The following RBFOX1 variants were observed in gnomAD, a reference collection of about 807,000 sequenced individuals.
RBFOX1 encodes the protein RNA binding fox-1 homolog 1.
A neutral mutation model predicts 57.7 loss-of-function variants in RBFOX1; 8 were observed. The ratio of observed to expected loss-of-function variants is 0.14; its 90% confidence interval spans 0.08 to 0.25. RBFOX1 has a LOEUF of 0.25. Among genes scored for constraint, RBFOX1 ranks in the 10% least tolerant of loss-of-function variants. The pLI, the probability that RBFOX1 is intolerant of heterozygous loss-of-function variation, is 1.00. For synonymous variants in RBFOX1, 326 were observed against 222.4 expected (o/e 1.47, Z -4.15); for missense variants, 611 against 548.5 (o/e 1.11, Z -1.14).
intron 10 of RBFOX1, 141 bp from the exon 11 acceptor site, chr16:7,630,462 C>T (rs2060771384): frequency 6.6e-7 from 1 of 1,507,470 alleles, no homozygotes; most frequent in African/African-American, 1.4e-5. Flanking sequence ...AGGCAGGGGG[C>T]TTTGTTGGGT....
intron 4 of RBFOX1, among the ~76,000 whole-genome samples, chr16:7,113,441 G>A (rs1006662450): frequency 6.6e-6 from 1 of 152,100 alleles, no homozygotes; most frequent in Admixed American, 6.5e-5. Context: ...TTCTCCTCCT[G>A]TTGACAATAT....
intron 1 of RBFOX1, among the ~76,000 whole-genome samples, chr16:6,278,855 C>G (rs112229125): frequency 2.0e-5 from 3 of 152,032 alleles, no homozygotes; most frequent in African/African-American, 4.8e-5. Flanking sequence ...GCCCAATAAG[C>G]TATTCTTGAT....
In RBFOX1 at chr16:5,278,950, G is replaced by A. The variant is rs144159722; in HGVS notation, c.219+38845G>A. On this transcript the variant is annotated intron_variant, in intron 1 of 2. Transcript: ENST00000585867. ...TTTGGTCTGTTTCCTTTGTTTTTGTGTCTGTTTTAATACCAATACACACTG... is the reference window on the plus strand; with the variant it reads ...TTTGGTCTGTTTCCTTTGTTTTTGTATCTGTTTTAATACCAATACACACTG... 8.1e-4 allele frequency among the ~76,000 whole-genome samples: 123 copies of A among 152,212 alleles called. 2 individuals are homozygous for A. In the East Asian group the frequency reaches 0.022, roughly 27 times the overall value.
At chr16:5,655,243 G>A (rs1439809586) in intron 3 of RBFOX1, among the ~76,000 whole-genome samples, 1 of 152,230 alleles carries the variant, frequency 6.6e-6, no homozygotes, top group Non-Finnish European at 1.5e-5. Context: ...AATATGTGAG[G>A]AGAAGGACTG....
chr16:6,350,252 C>T (rs1194674772), intron 2 of RBFOX1, among the ~76,000 whole-genome samples: 2 of 151,730 alleles, frequency 1.3e-5, no homozygotes, highest in Non-Finnish European at 2.9e-5. Flanking sequence ...GCCTGACCAG[C>T]ATGGAGAAAC....
At chr16:7,367,645 G>A (rs2097481587) in intron 4 of RBFOX1, among the ~76,000 whole-genome samples, 1 of 152,142 alleles carries the variant, frequency 6.6e-6, no homozygotes, top group African/African-American at 2.4e-5. Flanking sequence ...GCATCAGTCA[G>A]TTCAATGGGA....
At chr16:5,584,690 G>C (rs1287450429) in intron 2 of RBFOX1, among the ~76,000 whole-genome samples, 1 of 152,082 alleles carries the variant, frequency 6.6e-6, no homozygotes, top group Non-Finnish European at 1.5e-5. Context: ...AGGAGGGCTG[G>C]GTATTGTTAA....
chr16:5,769,247 C>T (rs534837616), intron 3 of RBFOX1, among the ~76,000 whole-genome samples: 5 of 152,174 alleles, frequency 3.3e-5, no homozygotes, highest in Admixed American at 6.5e-5. Flanking sequence ...TACCTTAGCA[C>T]GTGACCTTAT....
At chr16:6,490,887 C>A (rs1947660590) in intron 2 of RBFOX1, among the ~76,000 whole-genome samples, 1 of 152,116 alleles carries the variant, frequency 6.6e-6, no homozygotes, top group Admixed American at 6.6e-5. Flanking sequence ...GGATCCATTA[C>A]TGTCAAATGT....
chr16:5,355,549 G>T (rs887017893), intron 1 of RBFOX1, among the ~76,000 whole-genome samples: 9 of 152,144 alleles, frequency 5.9e-5, no homozygotes, highest in African/African-American at 2.2e-4. Context: ...TCAAAGAGAG[G>T]TTAATGAGAT....
chr16:7,122,076 T>A (rs1268005957), intron 4 of RBFOX1, among the ~76,000 whole-genome samples: 1 of 152,036 alleles, frequency 6.6e-6, no homozygotes, highest in Non-Finnish European at 1.5e-5. Flanking sequence ...GGTAAAATAT[T>A]CACGTCCAAA....
At chr16:6,921,580 T>G (rs2074446276) in intron 3 of RBFOX1, among the ~76,000 whole-genome samples, 2 of 151,890 alleles carry the variant, frequency 1.3e-5, no homozygotes, top group Admixed American at 1.3e-4. Flanking sequence ...GCTTGCTTCT[T>G]CAAGCAGTGG....
intron 4 of RBFOX1, among the ~76,000 whole-genome samples, chr16:5,919,847 A>G (rs1200303077): frequency 2.0e-5 from 3 of 152,160 alleles, no homozygotes; most frequent in African/African-American, 4.8e-5. Flanking sequence ...TATTTCCTAT[A>G]CATGGAGTCC....
At chr16:6,735,629 C>A (rs1267786524) in intron 3 of RBFOX1, among the ~76,000 whole-genome samples, 3 of 152,156 alleles carry the variant, frequency 2.0e-5, no homozygotes, top group Non-Finnish European at 2.9e-5. Flanking sequence ...AGTTGTGTAA[C>A]ATTGGATCGA....
chr16:7,627,578 G>T (rs1413655263), intron 10 of RBFOX1, among the ~76,000 whole-genome samples: 1 of 152,188 alleles, frequency 6.6e-6, no homozygotes, highest in East Asian at 1.9e-4. Context: ...ACTCAATGAA[G>T]AGCTATGTTG....
At chr16:5,510,836 T>A (rs2043557468) in intron 2 of RBFOX1, among the ~76,000 whole-genome samples, 3 of 152,088 alleles carry the variant, frequency 2.0e-5, no homozygotes, top group African/African-American at 7.2e-5. Flanking sequence ...CTCCACCCAT[T>A]AGATGCCATC....
intron 11 of RBFOX1, among the ~76,000 whole-genome samples, chr16:7,636,896 C>CATGAATCTT (rs2061854228): frequency 6.6e-6 from 1 of 152,086 alleles, no homozygotes; most frequent in South Asian, 2.1e-4. Flanking sequence ...CATATAAGGG[C>CATGAATCTT]ATGAATCTTA....
rs74411054 is a variant in RBFOX1 at position 7,035,344 on chromosome 16, C to A, written c.-15-16713C>A. ...GCCCATTTATCCTAGTTAAAGGGTT[C>A]CACAGTTCCCTGTGATTATCCCTCA... On this transcript the variant is annotated intron_variant, in intron 3 of 15. Transcript: ENST00000550418. 6.8e-3 allele frequency among the ~76,000 whole-genome samples: 1,032 copies of A among 152,188 alleles called. 13 individuals are homozygous for A. Among genetic ancestry groups the A allele is most frequent in the African/African-American group, 0.024 (979 of 41,518 alleles).
chr16:6,373,119 G>A (rs1390215468), intron 2 of RBFOX1, among the ~76,000 whole-genome samples: 2 of 152,120 alleles, frequency 1.3e-5, no homozygotes, highest in Non-Finnish European at 2.9e-5. Context: ...GAGATTGGGT[G>A]GAAGTATAAC....
Sources: gnomAD v4.1 joint callset for allele counts (sites outside exome capture counted in the v4.1 genomes callset) on GRCh38, gnomAD v4.1.1 for gene constraint, MANE v1.5 for transcripts, NCBI Gene and HGNC (gene_info 2026-07-23, HGNC 2026-07-21) for gene names.